PCDHAC1: variants seen among roughly 807,000 people sequenced by gnomAD.
PCDHAC1 encodes protocadherin alpha subfamily C, 1.
PCDHAC1 carries 42 observed loss-of-function variants against 60.0 expected under a neutral mutation model. The observed-to-expected ratio is 0.70, with a 90% CI of 0.55 to 0.90. The LOEUF (loss-of-function observed/expected upper bound fraction) is 0.90. Ranked by LOEUF, PCDHAC1 falls within the 40% of genes least tolerant of loss-of-function variation. The probability of loss-of-function intolerance (pLI) is 0.00; values close to 1 mark genes in which losing one functional copy is unlikely to be tolerated. For synonymous variants in PCDHAC1, 468 were observed against 499.3 expected, an observed-to-expected ratio of 0.94 and a Z score of 0.84; for missense variants, 1,160 against 1,222.3, an observed-to-expected ratio of 0.95 and a Z score of 0.76.
At position 140,928,836 on chromosome 5, in the gene PCDHAC1, C is replaced by T. The variant is rs1554206380; in HGVS notation, c.1944C>T (p.Ser648=). Residue 648 remains serine (S), a synonymous_variant, in exon 1 of 4, where the codon TCC becomes TCT. Coordinates refer to ENST00000253807, the MANE Select transcript of PCDHAC1 (RefSeq NM_018898.5). Reference sequence around the variant, plus strand: ...ACCATGGAGACCCACCACTTTCCTCCTCTGTCACTCTGGGTGTGCTGTTGA... The same window carrying T: ...ACCATGGAGACCCACCACTTTCCTCTTCTGTCACTCTGGGTGTGCTGTTGA... ...VRDHGDPPLS[S]SVTLGVLLSN... 1 of 1,614,168 alleles carries T rather than the reference C, an allele frequency of 6.2e-7. No homozygotes were observed.
At chr5:140,969,410 T>C (rs528910445) in intron 1 of PCDHAC1, 12 of 1,572,752 alleles carry the variant, frequency 7.6e-6, no homozygotes, top group South Asian at 1.2e-5. Flanking sequence ...TTTGGCTTTA[T>C]TGAGTCATTA....
rs75040653 is a variant in PCDHAC1 at position 140,982,339 on chromosome 5, T to G, written c.2493-136T>G. ...TGCAGGGTGACTGCTCAGCAGTAAT[T>G]GCTTCAGTTCAAGCATGAGCAGAAT... On this transcript the variant is annotated intron_variant, in intron 2 of 3. Transcript: ENST00000253807. The G allele has an allele frequency of 3.1e-3, 4,547 of 1,456,350 alleles. 58 individuals carry two copies. The East Asian group carries it at 0.042, about 14-fold the overall frequency. The allele number at this position is 1,456,350 out of a possible 1,614,324, so 90.2% of individuals were successfully genotyped here.
At chr5:140,967,475 C>T (rs555659207) in intron 1 of PCDHAC1, 1 of 1,613,342 alleles carries the variant, frequency 6.2e-7, no homozygotes, top group South Asian at 1.1e-5. Context: ...CATCCCAGCC[C>T]GCTCGGGTAC....
chr5:140,993,460 T>TCACACACA (rs1554253699), intron 3 of PCDHAC1, among the ~76,000 whole-genome samples: 14 of 104,506 alleles, frequency 1.3e-4, no homozygotes, highest in African/African-American at 2.4e-4. Flanking sequence ...CTTCTTTCTT[T>TCACACACA]CTCACACACA....
At chr5:141,008,410 A>G (rs782459591) in intron 3 of PCDHAC1, among the ~76,000 whole-genome samples, 33 of 152,184 alleles carry the variant, frequency 2.2e-4, no homozygotes, top group Non-Finnish European at 3.7e-4. Context: ...TTCCAATGTC[A>G]TGGCCACTGG....
chr5:140,984,458 C>T (rs1363789281), intron 3 of PCDHAC1, among the ~76,000 whole-genome samples: 2 of 152,140 alleles, frequency 1.3e-5, no homozygotes, highest in African/African-American at 4.8e-5. Flanking sequence ...CTTACTGTCC[C>T]AGCCCCTCTT....
At chr5:140,932,113 T>G (rs2088043197) in intron 1 of PCDHAC1, among the ~76,000 whole-genome samples, 1 of 151,918 alleles carries the variant, frequency 6.6e-6, no homozygotes, top group South Asian at 2.1e-4. Flanking sequence ...TATTTCCAAT[T>G]GATAATATTT....
chr5:140,991,413 A>G (rs2097451025), intron 3 of PCDHAC1, among the ~76,000 whole-genome samples: 1 of 152,228 alleles, frequency 6.6e-6, no homozygotes, highest in South Asian at 2.1e-4. Context: ...CCATTATGCT[A>G]TAACAAATTA....
Position 141,009,659 on chromosome 5 carries a change from G to A in PCDHAC1, c.2614G>A (p.Gly872Ser), listed in dbSNP as rs781996586. 3.0e-5 allele frequency: 48 copies of A among 1,613,808 alleles called. No individual in the cohort carries two copies. Among genetic ancestry groups the A allele is most frequent in the East Asian group, 4.5e-5 (2 of 44,878 alleles). The change falls in exon 4 of 4, where the codon GGT becomes AGT. Residue 872 changes from glycine (G) to serine (S), a missense_variant. Coordinates refer to ENST00000253807, the MANE Select transcript of PCDHAC1 (RefSeq NM_018898.5). ...GGCAGGAGAAGTGTCCCCTCCAGTC[G>A]GTGCGGGTGTCAACAGCAACAGCTG... is the stretch of plus-strand genomic sequence containing the variant. ...PEAGEVSPPV[G>S]AGVNSNSWTF...
Position 140,927,993 on chromosome 5 carries a change from A to G in PCDHAC1, c.1101A>G (p.Glu367=), listed in dbSNP as rs782756882. Residue 367 remains glutamate, a synonymous_variant, in exon 1 of 4, where the codon GAA becomes GAG. Coordinates refer to ENST00000253807, the MANE Select transcript of PCDHAC1 (RefSeq NM_018898.5). ...TTGCTCTCTTTAGTGTAAAGGATGA[A>G]GACCTCGATTCTAATGGTAGGGTCA... ...TVIALFSVKD[E]DLDSNGRVIC... 4.1e-5 allele frequency: 66 copies of G among 1,614,068 alleles called. No individual in the cohort carries two copies. The highest frequency in any genetic ancestry group is 5.4e-5 in the Non-Finnish European group (64 of 1,180,050).
intron 3 of PCDHAC1, among the ~76,000 whole-genome samples, chr5:140,988,499 C>CTT (rs2097300398): frequency 6.6e-6 from 1 of 152,138 alleles, no homozygotes; most frequent in Non-Finnish European, 1.5e-5. Context: ...CTAGGAGAAG[C>CTT]CATGAAGCTT....
chr5:140,938,026 A>T (rs2091889452), intron 1 of PCDHAC1, among the ~76,000 whole-genome samples: 1 of 152,144 alleles, frequency 6.6e-6, no homozygotes, highest in Non-Finnish European at 1.5e-5. Context: ...GTAAAATCTC[A>T]TATTTTTATA....
At chr5:140,947,209 A>C (rs1462777257) in intron 1 of PCDHAC1, among the ~76,000 whole-genome samples, 2 of 151,580 alleles carry the variant, frequency 1.3e-5, no homozygotes, top group Non-Finnish European at 3.0e-5. Flanking sequence ...AAAAAAAGAA[A>C]ATCCTGTCAT....
chr5:140,969,542 C>T, intron 1 of PCDHAC1: 1 of 1,279,490 alleles, frequency 7.8e-7, no homozygotes, highest in South Asian at 1.6e-5. Flanking sequence ...TTTTCAGAGG[C>T]ATGAAGCCTT....
At position 141,010,430 on chromosome 5, in the gene PCDHAC1, A is replaced by T; in HGVS notation, c.*493A>T. On this transcript the variant is annotated 3_prime_UTR_variant, in exon 4 of 4. Transcript: ENST00000253807. ...CTAATTGGTACAAGGAAGGCAAGAA[A>T]ACAAAGACAAATAAACAGCGGAAGT... 9.4e-7 allele frequency: 1 copy of T among 1,058,474 alleles called. No homozygotes were observed. Among genetic ancestry groups the T allele is most frequent in the Non-Finnish European group, 1.3e-6 (1 of 756,992 alleles). 65.6% of individuals were successfully genotyped at this position (1,058,474 alleles called of 1,614,324 possible). A position where few individuals can be genotyped will look rare whatever the true frequency, so the allele number is the denominator to read the frequency against.
intron 1 of PCDHAC1, among the ~76,000 whole-genome samples, chr5:140,942,287 G>A (rs1468201947): frequency 1.3e-5 from 2 of 152,102 alleles, no homozygotes; most frequent in African/African-American, 4.8e-5. Context: ...GCTCATGCCT[G>A]TAATCCTAGC....
At chr5:140,929,481 A>G (rs1192778322) in intron 1 of PCDHAC1, 156 bp downstream of exon 1, 4 of 1,195,836 alleles carry the variant, frequency 3.3e-6, no homozygotes, top group Non-Finnish European at 4.5e-6. Flanking sequence ...GGAAGTATAG[A>G]AGTATTAGAA....
chr5:141,002,173 C>T (rs1442739241), intron 3 of PCDHAC1, among the ~76,000 whole-genome samples: 2 of 152,192 alleles, frequency 1.3e-5, no homozygotes, highest in Non-Finnish European at 2.9e-5. Flanking sequence ...TAGGCAGGCT[C>T]CAGAGTGCTG....
At chr5:140,975,511 A>T (rs1236558069) in intron 1 of PCDHAC1, among the ~76,000 whole-genome samples, 2 of 152,212 alleles carry the variant, frequency 1.3e-5, no homozygotes, top group African/African-American at 4.8e-5. Flanking sequence ...CACTATGCAA[A>T]ATCTGCAGTG....
Sources: gnomAD v4.1 joint callset for allele counts (sites outside exome capture counted in the v4.1 genomes callset) on GRCh38, gnomAD v4.1.1 for gene constraint, MANE v1.5 for transcripts, NCBI Gene and HGNC (gene_info 2026-07-23, HGNC 2026-07-21) for gene names.